The following MBP variants were observed in gnomAD, a reference collection of about 807,000 sequenced individuals.
MBP encodes the protein myelin basic protein, also known as Golli-MBP.
A neutral mutation model predicts 35.8 loss-of-function variants in MBP; 16 were observed. The observed-to-expected ratio is 0.45, with a 90% CI of 0.30 to 0.68. MBP has a LOEUF of 0.68. Among genes scored for constraint, MBP ranks in the 30% least tolerant of loss-of-function variants. The pLI is 0.08. For missense variants in MBP, 380 were observed against 404.7 expected (o/e 0.94, Z 0.52); for synonymous variants, 143 against 159.6 (o/e 0.90, Z 0.78).
intron 3 of MBP, among the ~76,000 whole-genome samples, chr18:77,051,566 A>G (rs1407766938): frequency 6.6e-6 from 1 of 152,224 alleles, no homozygotes; most frequent in East Asian, 1.9e-4. Flanking sequence ...ACTGAGACCC[A>G]GTGCAGAACT....
At chr18:77,123,597 C>T (rs890363894) in intron 1 of MBP, among the ~76,000 whole-genome samples, 5 of 152,168 alleles carry the variant, frequency 3.3e-5, no homozygotes, top group African/African-American at 9.7e-5. Context: ...TTCCTGGGCC[C>T]GACCCCAAGA....
Position 77,016,383 on chromosome 18 carries a change from C to T in MBP, c.576+449G>A, listed in dbSNP as rs148530136. 7,160 of 996,656 alleles carry T rather than the reference C, an allele frequency of 7.2e-3. 26 individuals are homozygous for T. The highest frequency in any genetic ancestry group is 8.9e-3 in the Admixed American group (158 of 17,772). The allele number at this position is 996,656 out of a possible 1,614,324, so 61.7% of individuals were successfully genotyped here. On this transcript the variant is annotated intron_variant, in intron 4 of 8. Transcript: ENST00000355994. ...TCCTCGACCTCAATCCTATGATTGT[C>T]GCAGAGCAACATGAAGCTAGCAGCA... is the stretch of plus-strand genomic sequence containing the variant.
chr18:77,056,142 C>T (rs1056287352), intron 3 of MBP, among the ~76,000 whole-genome samples: 6 of 152,298 alleles, frequency 3.9e-5, no homozygotes, highest in South Asian at 2.1e-4. Context: ...CCCGTGCGCC[C>T]GGGGCTGGGT....
chr18:77,105,041 A>G (rs1342906875), intron 2 of MBP, among the ~76,000 whole-genome samples, 170 bp downstream of exon 2: 2 of 61,560 alleles, frequency 3.2e-5, no homozygotes, highest in Non-Finnish European at 7.0e-5. Context: ...ATCAATCGTA[A>G]TAAATCATAA....
intron 3 of MBP, among the ~76,000 whole-genome samples, chr18:77,062,264 C>T (rs996842350): frequency 3.9e-5 from 6 of 152,156 alleles, no homozygotes; most frequent in Non-Finnish European, 7.4e-5. Flanking sequence ...TCAACTCTGG[C>T]GGGAGAAGAG....
intron 4 of MBP, among the ~76,000 whole-genome samples, chr18:77,008,073 G>A (rs1465204751): frequency 6.6e-6 from 1 of 152,158 alleles, no homozygotes; most frequent in Non-Finnish European, 1.5e-5. Flanking sequence ...AGGGTCCACT[G>A]AGGACAGCGT....
chr18:77,042,634 G>T (rs1391943546), intron 3 of MBP, among the ~76,000 whole-genome samples: 1 of 152,082 alleles, frequency 6.6e-6, no homozygotes, highest in Non-Finnish European at 1.5e-5. Flanking sequence ...TCTTTTCTTG[G>T]GGACAGTTGC....
chr18:77,024,302 C>T (rs1288834128), intron 3 of MBP, among the ~76,000 whole-genome samples: 1 of 149,170 alleles, frequency 6.7e-6, no homozygotes, highest in Non-Finnish European at 1.5e-5. Flanking sequence ...ATGTGTGACC[C>T]AAGACAATTC....
At chr18:77,013,200 G>T in intron 4 of MBP, 1 of 985,432 alleles carries the variant, frequency 1.0e-6, no homozygotes, top group Non-Finnish European at 1.2e-6. Flanking sequence ...TTCTCTAGAA[G>T]AATCTGTGGC....
chr18:77,120,215 C>T (rs547605511), intron 1 of MBP, among the ~76,000 whole-genome samples: 165 of 152,370 alleles, frequency 1.1e-3, no homozygotes, highest in African/African-American at 3.1e-3. Context: ...AGGGAACACA[C>T]GCTCCCGTAG....
rs1599254873 is a variant in MBP, at chr18:77,105,216, T to C, written c.46A>G (p.Ser16Gly). Reference protein sequence around the residue: ...GKRELNAEKASTNSETNRGES... With the variant: ...GKRELNAEKAGTNSETNRGES... ...CGGATCAGCTCACGTCTTACCGTAC[T>C]GGCCTTCTCGGCATTTAATTCTCGT... is the stretch of plus-strand genomic sequence containing the variant. Residue 16 changes from serine to glycine, a missense_variant, in exon 2 of 9, where the codon AGT becomes GGT. By Grantham distance (56) the Ser-to-Gly change is moderately conservative (BLOSUM62 0). Transcript: ENST00000355994. The C allele has an allele frequency of 6.2e-7, 1 of 1,613,002 alleles. No homozygotes were observed. Among genetic ancestry groups the C allele is most frequent in the Non-Finnish European group, 8.5e-7 (1 of 1,179,232 alleles).
Position 76,979,739 on chromosome 18 carries a change from C to T in MBP, c.*688G>A. 3 of 575,688 alleles carry T rather than the reference C, an allele frequency of 5.2e-6. No individual in the cohort carries two copies. Among genetic ancestry groups the T allele is most frequent in the Non-Finnish European group, 9.3e-6 (3 of 323,966 alleles). The allele number at this position is 575,688 out of a possible 1,614,324, so 35.7% of individuals were successfully genotyped here. On this transcript the variant is annotated 3_prime_UTR_variant, in exon 9 of 9. Transcript: ENST00000355994. Reference sequence around the variant, plus strand: ...CCATTGCCCAGCCCACGTTTGCCTCCTTTTCCTCCCTCTGCCACACGCGAA... The same window carrying T: ...CCATTGCCCAGCCCACGTTTGCCTCTTTTTCCTCCCTCTGCCACACGCGAA...
At position 77,069,745 on chromosome 18, in the gene MBP, G is replaced by T. The variant is rs546702378; in HGVS notation, c.52-3360C>A. ...GGTGGGGGCAGCATAAGCATGAGGAGGAATTTTGTGTCCTGTGCGCCAGCT... is the reference window on the plus strand; with the variant it reads ...GGTGGGGGCAGCATAAGCATGAGGATGAATTTTGTGTCCTGTGCGCCAGCT... On this transcript the variant is annotated intron_variant, in intron 2 of 8. Transcript: ENST00000355994. Among the ~76,000 whole-genome samples, 56 of 152,294 alleles carry T rather than the reference G, an allele frequency of 3.7e-4. No individual in the cohort carries two copies. In the South Asian group the frequency reaches 0.011, roughly 29 times the overall value.
chr18:76,985,225 A>G (rs1245256300), intron 7 of MBP: 3 of 1,389,042 alleles, frequency 2.2e-6, no homozygotes, highest in East Asian at 4.0e-5. Flanking sequence ...GGGGTGTTCA[A>G]GAGAAGATTA....
Position 76,980,039 on chromosome 18 carries a change from C to T in MBP, c.*388G>A, listed in dbSNP as rs761815177. 42 of 702,430 alleles carry T rather than the reference C, an allele frequency of 6.0e-5. No homozygotes were observed. The highest frequency in any genetic ancestry group is 3.9e-5 in the Non-Finnish European group (15 of 384,996). The allele number at this position is 702,430 out of a possible 1,614,324, so 43.5% of individuals were successfully genotyped here. ...CCTCTCTGTCTCTGCAGCTGTGTGC[C>T]TCCATGGCAGTGACCAGCAAAAGCG... On this transcript the variant is annotated 3_prime_UTR_variant, in exon 9 of 9. Transcript: ENST00000355994.
At chr18:76,987,676 A>C in intron 7 of MBP, 1 of 990,140 alleles carries the variant, frequency 1.0e-6, no homozygotes, top group Non-Finnish European at 1.2e-6. Context: ...GCAGTTTCGG[A>C]GACAGACACA....
In MBP at chr18:76,988,664, C is replaced by G; in HGVS notation, c.718-137G>C. 1 of 1,482,478 alleles carries G rather than the reference C, an allele frequency of 6.7e-7. No individual in the cohort carries two copies. Among genetic ancestry groups the G allele is most frequent in the Non-Finnish European group, 9.0e-7 (1 of 1,110,640 alleles). 91.8% of individuals were successfully genotyped at this position (1,482,478 alleles called of 1,614,324 possible). A position where few individuals can be genotyped will look rare whatever the true frequency, so the allele number is the denominator to read the frequency against. ...TTCCACCCGGAGCTCCGAGGGGGGCCGCAGGCTCAGGGCCACAGCGGCTGT... is the reference window on the plus strand; with the variant it reads ...TTCCACCCGGAGCTCCGAGGGGGGCGGCAGGCTCAGGGCCACAGCGGCTGT... On this transcript the variant is annotated intron_variant, in intron 6 of 8. Coordinates refer to ENST00000355994, the MANE Select transcript of MBP (RefSeq NM_001025101.2). This position sits in a 1 kb window ranked among gnomAD's most constrained non-coding sequence, Gnocchi z 5.2.
intron 3 of MBP, among the ~76,000 whole-genome samples, chr18:77,034,857 C>T (rs1034675111): frequency 9.2e-5 from 14 of 152,178 alleles, no homozygotes; most frequent in Admixed American, 3.3e-4. Context: ...CCAGGGCCCC[C>T]GTGCACCATT....
intron 3 of MBP, among the ~76,000 whole-genome samples, chr18:77,028,903 C>A (rs1162003816): frequency 9.2e-6 from 1 of 108,194 alleles, no homozygotes; most frequent in Non-Finnish European, 2.2e-5. Flanking sequence ...GGATGGCGGC[C>A]GGGCAGAGAC....
Sources: gnomAD v4.1 joint callset for allele counts (sites outside exome capture counted in the v4.1 genomes callset) on GRCh38, gnomAD v4.1.1 for gene constraint, Gnocchi (gnomAD v3.1) non-coding constraint, MANE v1.5 for transcripts, NCBI Gene and HGNC (gene_info 2026-07-23, HGNC 2026-07-21) for gene names.